GATAD2B: variants seen among roughly 807,000 people sequenced by gnomAD.
GATAD2B encodes GATA zinc finger domain containing 2B, also known as transcriptional repressor p66-beta.
A neutral mutation model predicts 64.3 loss-of-function variants in GATAD2B; 8 were observed. The ratio of observed to expected loss-of-function variants is 0.12; its 90% confidence interval spans 0.07 to 0.22. The LOEUF (loss-of-function observed/expected upper bound fraction) is 0.22. Among genes scored for constraint, GATAD2B ranks in the 10% least tolerant of loss-of-function variants. GATAD2B has a pLI of 1.00. For synonymous variants in GATAD2B, 281 were observed against 271.3 expected (o/e 1.04, Z -0.35); for missense variants, 453 against 752.0 (o/e 0.60, Z 4.65).
rs547937755 is a variant in GATAD2B at position 153,913,581 on chromosome 1, T to C, written c.-2+9152A>G. On this transcript the variant is annotated intron_variant, in intron 1 of 10. Transcript: ENST00000368655. ...ACTGCAATATTTGCCTTCGAATTCATGGAGGAAAAATGGCAGCCCTCATAC... is the reference window on the plus strand; with the variant it reads ...ACTGCAATATTTGCCTTCGAATTCACGGAGGAAAAATGGCAGCCCTCATAC... 7.9e-5 allele frequency among the ~76,000 whole-genome samples: 12 copies of C among 152,072 alleles called. No individual in the cohort carries two copies. In the East Asian group the frequency reaches 1.2e-3, roughly 15 times the overall value.
intron 1 of GATAD2B, among the ~76,000 whole-genome samples, chr1:153,829,759 G>T (rs748743666): frequency 1.2e-4 from 18 of 151,022 alleles, no homozygotes; most frequent in Non-Finnish European, 1.9e-4. Context: ...ATGAATGAAT[G>T]AATTAAATTA....
intron 1 of GATAD2B, among the ~76,000 whole-genome samples, chr1:153,906,056 G>C (rs1183205288): frequency 1.4e-5 from 2 of 140,722 alleles, no homozygotes; most frequent in Non-Finnish European, 3.1e-5. Context: ...ACAGAGGGAG[G>C]TTCCCTCTCA....
At chr1:153,886,249 T>C (rs372264317) in intron 1 of GATAD2B, among the ~76,000 whole-genome samples, 2 of 152,228 alleles carry the variant, frequency 1.3e-5, no homozygotes, top group East Asian at 3.8e-4. Flanking sequence ...TTCACCGTTG[T>C]GTGAACATTG....
intron 1 of GATAD2B, among the ~76,000 whole-genome samples, chr1:153,838,929 G>A (rs1406215990): frequency 6.6e-6 from 1 of 151,864 alleles, no homozygotes; most frequent in African/African-American, 2.4e-5. Context: ...GGCCAGCATG[G>A]CAAAAGCTTG....
Position 153,850,688 on chromosome 1 carries a change from C to T in GATAD2B, c.-1-22340G>A, listed in dbSNP as rs571209800. Among the ~76,000 whole-genome samples, 45 of 152,096 alleles carry T rather than the reference C, an allele frequency of 3.0e-4. 1 individual carries two copies. Among genetic ancestry groups the T allele is most frequent in the South Asian group, 8.3e-4 (4 of 4,822 alleles). On this transcript the variant is annotated intron_variant, in intron 1 of 10. Coordinates refer to ENST00000368655, the MANE Select transcript of GATAD2B (RefSeq NM_020699.4). ...TAATCCCAGCACTTTGGGAGGCCTA[C>T]GCAGGCGGATTGCTTGAGGTGAAGG...
chr1:153,870,912 G>GT (rs1339919644), intron 1 of GATAD2B, among the ~76,000 whole-genome samples: 1 of 151,824 alleles, frequency 6.6e-6, no homozygotes, highest in African/African-American at 2.4e-5. Context: ...CTAGAGAGAG[G>GT]TTTTTTTTGT....
intron 1 of GATAD2B, among the ~76,000 whole-genome samples, chr1:153,839,325 C>T (rs1675392614): frequency 6.6e-6 from 1 of 151,882 alleles, no homozygotes; most frequent in African/African-American, 2.4e-5. Flanking sequence ...TTAAGAGGAT[C>T]CTGAGAGGCA....
rs920813371 is a variant in GATAD2B, at chr1:153,853,309, C to A, written c.-1-24961G>T. 5.6e-5 allele frequency: 45 copies of A among 808,638 alleles called. No individual in the cohort carries two copies. In the Admixed American group the frequency reaches 7.9e-4, roughly 14 times the overall value. The allele number at this position is 808,638 out of a possible 1,614,324, so 50.1% of individuals were successfully genotyped here. ...TCAAGTAGGACACTGGTCCTTTGTA[C>A]TGACATGGGCTGAGGACATGGGGTC... On this transcript the variant is annotated intron_variant, in intron 1 of 10. Transcript: ENST00000368655.
At position 153,828,107 on chromosome 1, in the gene GATAD2B, C is replaced by T. The variant is rs1674945810; in HGVS notation, c.241G>A (p.Gly81Arg). 6.2e-7 allele frequency: 1 copy of T among 1,614,132 alleles called. No individual in the cohort carries two copies. The highest frequency in any genetic ancestry group is 8.5e-7 in the Non-Finnish European group (1 of 1,180,004). ...GVKGYEEKLN[G>R]NLRPHGDNRT... is the part of the protein sequence containing the mutation. ...TTGTCTCCATGAGGCCTGAGATTCC[C>T]GTTAAGTTTTTCTTCATAGCCCTTG... The change falls in exon 2 of 11, where the codon GGG (glycine) becomes AGG (arginine). Residue 81 changes from glycine to arginine, a missense_variant. By Grantham distance (125) the Gly-to-Arg change is moderately radical. Around this residue, in one of 2 missense-constraint regions of GATAD2B, gnomAD observed 293 missense variants for 417.2 expected, o/e 0.70. Coordinates refer to ENST00000368655, the MANE Select transcript of GATAD2B (RefSeq NM_020699.4).
chr1:153,811,230 T>A (rs1674283465), intron 10 of GATAD2B, among the ~76,000 whole-genome samples: 1 of 152,228 alleles, frequency 6.6e-6, no homozygotes, highest in South Asian at 2.1e-4. Context: ...CCCACTCATA[T>A]TCCTAAGCTT....
chr1:153,919,988 A>G (rs1057441663), intron 1 of GATAD2B, among the ~76,000 whole-genome samples: 1 of 152,208 alleles, frequency 6.6e-6, no homozygotes, highest in African/African-American at 2.4e-5. Context: ...GCTTTTCTCA[A>G]TGAGCCAAGC....
At chr1:153,842,468 CCT>C (rs1675531262) in intron 1 of GATAD2B, among the ~76,000 whole-genome samples, 1 of 152,034 alleles carries the variant, frequency 6.6e-6, no homozygotes, top group Non-Finnish European at 1.5e-5. Flanking sequence ...CCTTTCTCGC[CCT>C]CTCTCCTCCT....
intron 1 of GATAD2B, chr1:153,852,759 G>T: frequency 1.1e-6 from 1 of 934,306 alleles, no homozygotes; most frequent in Non-Finnish European, 1.8e-6. Flanking sequence ...TGGTAGACAG[G>T]GATCCCAGTC....
chr1:153,912,095 C>T (rs1441672694), intron 1 of GATAD2B, among the ~76,000 whole-genome samples: 1 of 152,116 alleles, frequency 6.6e-6, no homozygotes, highest in African/African-American at 2.4e-5. Flanking sequence ...GTGATATCTA[C>T]CCAATATATT....
intron 1 of GATAD2B, among the ~76,000 whole-genome samples, chr1:153,853,647 T>A (rs966149237): frequency 6.6e-6 from 1 of 152,212 alleles, no homozygotes; most frequent in Non-Finnish European, 1.5e-5. Flanking sequence ...TTGTTGCCTG[T>A]GTTTTTGATG....
At chr1:153,815,282 A>AAC (rs1557780212) in intron 7 of GATAD2B, among the ~76,000 whole-genome samples, 4 of 140,922 alleles carry the variant, frequency 2.8e-5, no homozygotes, top group Middle Eastern at 3.7e-3. Context: ...CAAAAAAACA[A>AAC]AAAAAAAAAA....
chr1:153,807,577 G>A lies in GATAD2B; in HGVS notation c.*2600C>T, dbSNP rs2101870724. 1 of 152,530 alleles carries A rather than the reference G, an allele frequency of 6.6e-6. No individual in the cohort carries two copies. The highest frequency in any genetic ancestry group is 1.9e-4 in the East Asian group (1 of 5,190). 9.4% of individuals were successfully genotyped at this position (152,530 alleles called of 1,614,324 possible). ...GCAGCTTCTATGTAACTGACCCTGA[G>A]GGGATAAAAACAGGGAAGATTCCAC... On this transcript the variant is annotated 3_prime_UTR_variant, in exon 11 of 11. Transcript: ENST00000368655.
chr1:153,838,495 C>G (rs557444532), intron 1 of GATAD2B, among the ~76,000 whole-genome samples: 51 of 152,040 alleles, frequency 3.4e-4, no homozygotes, highest in Admixed American at 2.2e-3. Context: ...CAAAGAGACG[C>G]GCCCTGCCTC....
In GATAD2B at chr1:153,904,673, C is replaced by G. The variant is rs144411950; in HGVS notation, c.-2+18060G>C. 2.0e-3 allele frequency among the ~76,000 whole-genome samples: 300 copies of G among 152,120 alleles called. 2 individuals are homozygous for G. Among genetic ancestry groups the G allele is most frequent in the African/African-American group, 6.8e-3 (284 of 41,502 alleles). On this transcript the variant is annotated intron_variant, in intron 1 of 10. Transcript: ENST00000368655. ...TCTCCTGTTTCAGTTTCCCAAGAAG[C>G]TGGGACTATAGGCGTGTGCCACCAG...
Sources: allele counts gnomAD v4.1 joint callset (sites outside exome capture counted in the v4.1 genomes callset), GRCh38; gene constraint gnomAD v4.1.1; regional missense constraint gnomAD v4.1.1; transcripts MANE v1.5; gene names NCBI Gene and HGNC (gene_info 2026-07-23, HGNC 2026-07-21).